OR3A2: variants seen among roughly 807,000 people sequenced by gnomAD.
The protein encoded by OR3A2 is olfactory receptor 3A2.
For synonymous variants in OR3A2, 126 were observed against 159.3 expected, an observed-to-expected ratio of 0.79 and a Z score of 1.57; for missense variants, 318 against 392.8, an observed-to-expected ratio of 0.81 and a Z score of 1.61.
At chr17:3,287,638 T>C (rs906931174), upstream of OR3A2, among the ~76,000 whole-genome samples, 1 of 152,206 alleles carries the variant, frequency 6.6e-6, no homozygotes, top group African/African-American at 2.4e-5. Context: ...TTCTGGACTG[T>C]ATCCTGGACA....
intron 3 of OR3A2, among the ~76,000 whole-genome samples, chr17:3,303,964 AAT>A (rs199766708): frequency 4.2e-5 from 5 of 117,884 alleles, no homozygotes; most frequent in East Asian, 2.2e-4. Flanking sequence ...TTTTGGTACT[AAT>A]ATATATATAT....
At chr17:3,308,704 G>C (rs372405805) in intron 3 of OR3A2, among the ~76,000 whole-genome samples, 1 of 152,078 alleles carries the variant, frequency 6.6e-6, no homozygotes, top group Non-Finnish European at 1.5e-5. Flanking sequence ...TGCAGAAAAG[G>C]CCATACTATT....
intron 2 of OR3A2, among the ~76,000 whole-genome samples, chr17:3,367,095 C>A (rs920112356): frequency 6.6e-6 from 1 of 152,212 alleles, no homozygotes; most frequent in Non-Finnish European, 1.5e-5. Context: ...GCCAGTCCCA[C>A]TGGCTCACAA....
chr17:3,368,449 G>A (rs867320247), intron 2 of OR3A2, among the ~76,000 whole-genome samples: 3 of 152,180 alleles, frequency 2.0e-5, no homozygotes, highest in African/African-American at 4.8e-5. Flanking sequence ...ATTCTTCTAC[G>A]TGTAGCTTGC....
intron 3 of OR3A2, among the ~76,000 whole-genome samples, chr17:3,331,607 T>C (rs1004990385): frequency 2.6e-5 from 4 of 152,044 alleles, no homozygotes; most frequent in African/African-American, 7.3e-5. Context: ...ATTCTACTTA[T>C]ACATTCTTCT....
Position 3,371,814 on chromosome 17 carries a change from G to A in OR3A2, c.-179+11990C>T, listed in dbSNP as rs568936059. 1.5e-3 allele frequency among the ~76,000 whole-genome samples: 196 copies of A among 135,158 alleles called. 8 individuals carry two copies. Among genetic ancestry groups the A allele is most frequent in the African/African-American group, 5.3e-3 (178 of 33,816 alleles). The allele number at this position is 135,158 out of a possible 152,430, so 88.7% of individuals were successfully genotyped here. ...CACCTCCTGGCCGGGGCGGCTGGCC[G>A]GGCGGGGGGCTGACCTCCCCACCAC... On this transcript the variant is annotated intron_variant, in intron 2 of 4. Coordinates refer to the OR3A2 transcript ENST00000573491.
intron 2 of OR3A2, among the ~76,000 whole-genome samples, chr17:3,354,950 G>C (rs2049452696): frequency 3.3e-5 from 5 of 151,186 alleles, no homozygotes; most frequent in African/African-American, 1.2e-4. Flanking sequence ...GTTTTGGTAT[G>C]TTGTGTTTGC....
intron 3 of OR3A2, among the ~76,000 whole-genome samples, chr17:3,322,412 A>G (rs1180031751): frequency 6.6e-6 from 1 of 152,006 alleles, no homozygotes; most frequent in East Asian, 1.9e-4. Flanking sequence ...GCCTTCTACT[A>G]GCTTTTGAAC....
At chr17:3,292,258 G>A in intron 3 of OR3A2, 1 of 1,614,208 alleles carries the variant, frequency 6.2e-7, no homozygotes, top group Middle Eastern at 1.6e-4. Context: ...CCAACGAACA[G>A]ATGGAAGAAG....
chr17:3,361,138 T>C lies in OR3A2; in HGVS notation c.-179+22666A>G, dbSNP rs544021389. Among the ~76,000 whole-genome samples, 23 of 151,298 alleles carry C rather than the reference T, an allele frequency of 1.5e-4. 1 individual carries two copies. The highest frequency in any genetic ancestry group is 4.2e-4 in the South Asian group (2 of 4,818). ...CTCCTTGAAGAGGTCCTTCACATCC[T>C]TTGTAAGTTGGATTCCTAGGTATTT... is the stretch of plus-strand genomic sequence containing the variant. On this transcript the variant is annotated intron_variant, in intron 2 of 4. Transcript: ENST00000573491.
intron 3 of OR3A2, among the ~76,000 whole-genome samples, chr17:3,328,762 C>T (rs1442039793): frequency 2.1e-5 from 3 of 142,956 alleles, no homozygotes; most frequent in African/African-American, 8.3e-5. Context: ...GAGTTTTTAG[C>T]ATGAAGGGTT....
At chr17:3,305,630 TG>T (rs2048993780) in intron 3 of OR3A2, among the ~76,000 whole-genome samples, 1 of 152,220 alleles carries the variant, frequency 6.6e-6, no homozygotes, top group Non-Finnish European at 1.5e-5. Context: ...GTTAAGTGAA[TG>T]TTAGCACATG....
At chr17:3,333,353 C>G (rs1416038921) in intron 3 of OR3A2, among the ~76,000 whole-genome samples, 1 of 152,174 alleles carries the variant, frequency 6.6e-6, no homozygotes, top group African/African-American at 2.4e-5. Flanking sequence ...AATATGTGCA[C>G]AGCTGAACAT....
chr17:3,279,042 T>A, intron 1 of OR3A2, 34 bp downstream of exon 4: 1 of 1,498,206 alleles, frequency 6.7e-7, no homozygotes, highest in Non-Finnish European at 8.9e-7. Flanking sequence ...CATCCCTCAC[T>A]CGTTGACCTC....
chr17:3,356,159 AT>A (rs1199699879), intron 2 of OR3A2, among the ~76,000 whole-genome samples: 2 of 151,342 alleles, frequency 1.3e-5, no homozygotes, highest in African/African-American at 2.4e-5. Context: ...CCACTTTGTA[AT>A]TTTTTGTTGT....
chr17:3,305,160 A>G (rs1235696656), intron 3 of OR3A2, among the ~76,000 whole-genome samples: 2 of 152,342 alleles, frequency 1.3e-5, no homozygotes, highest in South Asian at 4.1e-4. Context: ...ACATAAACAT[A>G]TTGAAGTTGT....
intron 2 of OR3A2, among the ~76,000 whole-genome samples, chr17:3,349,301 G>A (rs181052997): frequency 2.6e-5 from 4 of 152,210 alleles, no homozygotes; most frequent in East Asian, 3.9e-4. Flanking sequence ...CACGGGCAGA[G>A]ACACACATAG....
chr17:3,369,318 T>A (rs2049590784), intron 2 of OR3A2, among the ~76,000 whole-genome samples: 1 of 152,196 alleles, frequency 6.6e-6, no homozygotes, highest in East Asian at 1.9e-4. Flanking sequence ...TTGTTCCAGT[T>A]CTCAGGGGGA....
intron 2 of OR3A2, among the ~76,000 whole-genome samples, chr17:3,354,946 G>T (rs2049452620): frequency 3.3e-5 from 5 of 150,996 alleles, no homozygotes; most frequent in African/African-American, 1.2e-4. Flanking sequence ...ATAGGTTTTG[G>T]TATGTTGTGT....
Sources: gnomAD v4.1 joint callset for allele counts (sites outside exome capture counted in the v4.1 genomes callset) on GRCh38, gnomAD v4.1.1 for gene constraint, MANE v1.5 for transcripts, NCBI Gene and HGNC (gene_info 2026-07-23, HGNC 2026-07-21) for gene names.